COL12A1: variants seen among roughly 807,000 people sequenced by gnomAD.
COL12A1 encodes collagen type XII alpha 1 chain.
In COL12A1, 114 loss-of-function variants were observed where a neutral mutation model predicts 349.7. The observed-to-expected ratio is 0.33, with a 90% CI of 0.28 to 0.38. COL12A1 has a LOEUF of 0.38. Among genes scored for constraint, COL12A1 ranks in the 10% least tolerant of loss-of-function variants. The probability of loss-of-function intolerance (pLI) is 1.00; values close to 1 mark genes in which losing one functional copy is unlikely to be tolerated. For missense variants in COL12A1, 3,284 were observed against 3,756.9 expected (o/e 0.87, Z 3.29); for synonymous variants, 1,369 against 1,329.0 (o/e 1.03, Z -0.66).
chr6:75,189,608 T>A lies in COL12A1; in HGVS notation c.602A>T (p.Asp201Val), dbSNP rs769261241. The A allele has an allele frequency of 1.2e-6, 2 of 1,613,382 alleles. No homozygotes were observed. The highest frequency in any genetic ancestry group is 1.7e-5 in the Admixed American group (1 of 59,944). Residue 201 changes from aspartate to valine, a missense_variant, in exon 6 of 66, where the codon GAT becomes GTT. Asp to Val is a radical substitution (Grantham distance 152). This residue lies in a region of COL12A1 where 2,601 missense variants were observed against 2,824.8 expected (regional missense o/e 0.92). Transcript: ENST00000322507. ...TTTTTTTATTGCAGCAAGAAGTTCA[T>A]CCCTTTGGTAGTACTGATTTAAGTT... ...EFNLNQYYQR[D>V]ELLAAIKKIP...
intron 11 of COL12A1, 88 bp downstream of exon 11, chr6:75,180,851 A>G (rs1769231450): frequency 1.6e-5 from 24 of 1,479,368 alleles, no homozygotes; most frequent in Non-Finnish European, 2.1e-5. Context: ...ATTCTGAACT[A>G]TAAAGCAGAT....
In COL12A1 at chr6:75,145,451, C is replaced by T. The variant is rs751419788; in HGVS notation, c.4565G>A (p.Arg1522His). 36 of 1,613,418 alleles carry T rather than the reference C, an allele frequency of 2.2e-5. No homozygotes were observed. The highest frequency in any genetic ancestry group is 3.3e-5 in the South Asian group (3 of 90,984). ...CATGTCATTCACTGTTGGCCCCAAA[C>T]GCACCTGCACATGGATATGTGGAGC... is the stretch of plus-strand genomic sequence containing the variant. ...DTEPTRPKEVRLGPTVNDMQL... is the reference protein window; with the variant it reads ...DTEPTRPKEVHLGPTVNDMQL... The change falls in exon 25 of 66, where the codon CGT (arginine) becomes CAT (histidine). Residue 1522 changes from arginine (R) to histidine (H), a missense_variant. Physicochemically the swap from Arg to His is conservative, Grantham distance 29. This residue lies in a region of COL12A1 where 2,601 missense variants were observed against 2,824.8 expected (regional missense o/e 0.92). Transcript: ENST00000322507.
At chr6:75,134,910 T>C (rs1263834583) in intron 31 of COL12A1, 55 bp from the exon 32 acceptor site, 8 of 1,555,838 alleles carry the variant, frequency 5.1e-6, no homozygotes, top group South Asian at 4.9e-5. Context: ...ATCTCACTAA[T>C]CTGTTAGAAA....
intron 39 of COL12A1, among the ~76,000 whole-genome samples, chr6:75,126,092 G>C (rs933942116): frequency 6.6e-6 from 1 of 152,068 alleles, no homozygotes; most frequent in Admixed American, 6.6e-5. Context: ...AGGCATCTTT[G>C]ATTTGTGCAA....
intron 2 of COL12A1, 142 bp downstream of exon 2, chr6:75,202,578 G>A: frequency 1.4e-6 from 1 of 737,338 alleles, no homozygotes; most frequent in South Asian, 1.8e-5. Context: ...GGAGAAAGGG[G>A]CGTTTCTCTG....
chr6:75,160,704 G>T (rs1045994807), intron 14 of COL12A1, among the ~76,000 whole-genome samples: 28 of 152,238 alleles, frequency 1.8e-4, no homozygotes, highest in African/African-American at 6.7e-4. Flanking sequence ...AAATGGCATA[G>T]TATTTGCATA....
Position 75,085,262 on chromosome 6 carries a change from G to A in COL12A1, c.*1285C>T, listed in dbSNP as rs1045333821. On this transcript the variant is annotated 3_prime_UTR_variant, in exon 66 of 66. Coordinates refer to ENST00000322507, the MANE Select transcript of COL12A1 (RefSeq NM_004370.6). ...GCTCAGGAGGCTCCTCTGCAGGCTCGTCTGCGCCGTAGTCCTCGTATTCCG... is the reference window on the plus strand; with the variant it reads ...GCTCAGGAGGCTCCTCTGCAGGCTCATCTGCGCCGTAGTCCTCGTATTCCG... The A allele has an allele frequency of 4.2e-6, 2 of 470,744 alleles. No individual in the cohort carries two copies. Among genetic ancestry groups the A allele is most frequent in the Non-Finnish European group, 8.8e-6 (2 of 227,080 alleles). The allele number at this position is 470,744 out of a possible 1,614,324, so 29.2% of individuals were successfully genotyped here. A position where few individuals can be genotyped will look rare whatever the true frequency, so the allele number is the denominator to read the frequency against.
In COL12A1 at chr6:75,146,209, C is replaced by T. The variant is rs999232288; in HGVS notation, c.4453G>A (p.Val1485Ile). The change falls in exon 24 of 66, where the codon GTT becomes ATT. Residue 1485 changes from valine (V) to isoleucine (I), a missense_variant. Val to Ile is a conservative substitution (Grantham distance 29, BLOSUM62 3). This residue lies in a region of COL12A1 where 2,601 missense variants were observed against 2,824.8 expected (regional missense o/e 0.92). Coordinates refer to ENST00000322507, the MANE Select transcript of COL12A1 (RefSeq NM_004370.6). The stretch of plus-strand genomic sequence containing the variant: ...TGCACATGCATGGTGGTAGGGCCAA[C>T]ATCATAAATATTCAGGCTGACTACA... ...VPVVSLNIYDVGPTTMHVQWQ... is the reference protein window; with the variant it reads ...VPVVSLNIYDIGPTTMHVQWQ... The T allele has an allele frequency of 1.2e-6, 2 of 1,612,264 alleles. No individual in the cohort carries two copies. Among genetic ancestry groups the T allele is most frequent in the Non-Finnish European group, 1.7e-6 (2 of 1,179,266 alleles).
intron 46 of COL12A1, among the ~76,000 whole-genome samples, chr6:75,117,856 C>G (rs554599206): frequency 6.6e-6 from 1 of 152,288 alleles, no homozygotes; most frequent in African/African-American, 2.4e-5. Flanking sequence ...TCCTGATACA[C>G]ACATGAGTTC....
At position 75,156,529 on chromosome 6, in the gene COL12A1, A is replaced by C; in HGVS notation, c.2984-6T>G. The C allele has an allele frequency of 6.2e-7, 1 of 1,612,758 alleles. No individual in the cohort carries two copies. The highest frequency in any genetic ancestry group is 8.5e-7 in the Non-Finnish European group (1 of 1,179,266). On this transcript the variant is annotated splice_region_variant and splice_polypyrimidine_tract_variant and intron_variant, in intron 14 of 65. Coordinates refer to ENST00000322507, the MANE Select transcript of COL12A1 (RefSeq NM_004370.6). Reference sequence around the variant, plus strand: ...GGTTTTGGAATCTTGAGATACTGGGAGATAAAAGGAAGATTAAACTGTATA... The same window carrying C: ...GGTTTTGGAATCTTGAGATACTGGGCGATAAAAGGAAGATTAAACTGTATA...
At chr6:75,095,650 A>G (rs868441671) in intron 59 of COL12A1, among the ~76,000 whole-genome samples, 5 of 146,534 alleles carry the variant, frequency 3.4e-5, no homozygotes, top group Admixed American at 2.0e-4. Context: ...AAAAAAAAAA[A>G]AGATAACATG....
At chr6:75,123,494 A>G in intron 42 of COL12A1, 90 bp from the exon 43 acceptor site, 1 of 1,034,714 alleles carries the variant, frequency 9.7e-7, no homozygotes, top group Non-Finnish European at 1.4e-6. Context: ...TAAATCCTGG[A>G]TACCAAATCA....
At chr6:75,109,263 G>A in intron 51 of COL12A1, 96 bp from the exon 52 acceptor site, 1 of 825,758 alleles carries the variant, frequency 1.2e-6, no homozygotes, top group Non-Finnish European at 1.8e-6. Context: ...AGTTTTTTAA[G>A]CTATTCTCAT....
chr6:75,126,272 T>G, intron 39 of COL12A1, 79 bp downstream of exon 39: 1 of 1,491,434 alleles, frequency 6.7e-7, no homozygotes, highest in South Asian at 1.3e-5. Flanking sequence ...AACCCAACAG[T>G]GGGGGATGAA....
At chr6:75,159,314 T>C (rs886224421) in intron 14 of COL12A1, among the ~76,000 whole-genome samples, 11 of 150,470 alleles carry the variant, frequency 7.3e-5, no homozygotes, top group African/African-American at 2.2e-4. Flanking sequence ...CTCAGTGAAG[T>C]CCATTACTTT....
Position 75,188,249 on chromosome 6 carries a change from T to C in COL12A1, c.997+113A>G, listed in dbSNP as rs192278023. 71 of 1,157,394 alleles carry C rather than the reference T, an allele frequency of 6.1e-5. 1 individual carries two copies. The East Asian group carries it at 1.8e-3, about 29-fold the overall frequency. The allele number at this position is 1,157,394 out of a possible 1,614,324, so 71.7% of individuals were successfully genotyped here. A position where few individuals can be genotyped will look rare whatever the true frequency, so the allele number is the denominator to read the frequency against. On this transcript the variant is annotated intron_variant, in intron 8 of 65. Transcript: ENST00000322507. ...AAAACAATACAGTGGAGTATACAAT[T>C]GTAGAATCACTGGAAGAAATATTTA...
chr6:75,176,850 C>T (rs1002021933), intron 12 of COL12A1, among the ~76,000 whole-genome samples: 1 of 152,120 alleles, frequency 6.6e-6, no homozygotes, highest in African/African-American at 2.4e-5. Context: ...AAAAACATTA[C>T]AGCTAGGAAA....
At chr6:75,100,699 A>G (rs1199573931) in intron 58 of COL12A1, among the ~76,000 whole-genome samples, 1 of 152,160 alleles carries the variant, frequency 6.6e-6, no homozygotes, top group African/African-American at 2.4e-5. Context: ...CTCCCTCTGA[A>G]TGGCCTACCT....
chr6:75,145,452 G>C lies in COL12A1; in HGVS notation c.4564C>G (p.Arg1522Gly), dbSNP rs574863380. ...ATGTCATTCACTGTTGGCCCCAAACGCACCTGCACATGGATATGTGGAGCA... is the reference window on the plus strand; with the variant it reads ...ATGTCATTCACTGTTGGCCCCAAACCCACCTGCACATGGATATGTGGAGCA... ...DTEPTRPKEV[R>G]LGPTVNDMQL... Residue 1522 changes from arginine (R) to glycine (G), a missense_variant, in exon 25 of 66, where the codon CGT becomes GGT. Arg to Gly is a moderately radical substitution (Grantham distance 125). Around this residue, in one of 2 missense-constraint regions of COL12A1, gnomAD observed 2,601 missense variants for 2,824.8 expected, o/e 0.92. Transcript: ENST00000322507. 2 of 1,612,838 alleles carry C rather than the reference G, an allele frequency of 1.2e-6. No homozygotes were observed. Among genetic ancestry groups the C allele is most frequent in the African/African-American group, 2.7e-5 (2 of 74,834 alleles).
Sources: allele counts gnomAD v4.1 joint callset (sites outside exome capture counted in the v4.1 genomes callset), GRCh38; gene constraint gnomAD v4.1.1; regional missense constraint gnomAD v4.1.1; transcripts MANE v1.5; gene names NCBI Gene and HGNC (gene_info 2026-07-23, HGNC 2026-07-21).